Variants in CDH12 observed in about 807,000 individuals in gnomAD.
The protein encoded by CDH12 is cadherin-12.
Under a neutral mutation model 74.1 loss-of-function variants are expected in CDH12, and 41 were observed. That is an observed-to-expected ratio of 0.55 (90% CI 0.43 to 0.72). The LOEUF (loss-of-function observed/expected upper bound fraction) is 0.72. CDH12 is among the 30% of genes least tolerant of loss of function. The pLI, the probability that CDH12 is intolerant of heterozygous loss-of-function variation, is 0.00. For missense variants in CDH12, 945 were observed against 977.2 expected (o/e 0.97, Z 0.44); for synonymous variants, 399 against 355.0 (o/e 1.12, Z -1.39).
intron 1 of CDH12, among the ~76,000 whole-genome samples, chr5:22,618,842 C>G (rs777766653): frequency 7.2e-5 from 11 of 151,916 alleles, no homozygotes; most frequent in African/African-American, 1.7e-4. Flanking sequence ...CCATGCTGCT[C>G]TCATGATAGT....
At chr5:22,142,099 T>G (rs1177998690) in intron 4 of CDH12, among the ~76,000 whole-genome samples, 2 of 152,148 alleles carry the variant, frequency 1.3e-5, no homozygotes, top group African/African-American at 2.4e-5. Context: ...TGAATCTGGG[T>G]TAAGGCACAA....
intron 5 of CDH12, among the ~76,000 whole-genome samples, chr5:21,985,427 T>C (rs1313624677): frequency 6.6e-6 from 1 of 152,168 alleles, no homozygotes; most frequent in Non-Finnish European, 1.5e-5. Flanking sequence ...ATATGTTTCT[T>C]GTACAGGATA....
At chr5:21,882,500 T>C (rs1752404779) in intron 6 of CDH12, 4 of 751,048 alleles carry the variant, frequency 5.3e-6, no homozygotes, top group South Asian at 4.7e-5. Flanking sequence ...TATTTGCTTT[T>C]TAAAAGTGAT....
intron 5 of CDH12, among the ~76,000 whole-genome samples, chr5:22,040,353 A>C: frequency 6.6e-6 from 1 of 152,268 alleles, no homozygotes; most frequent in East Asian, 1.9e-4. Flanking sequence ...TAGGATTTTG[A>C]GAAGTTGAAG....
chr5:21,752,250 A>G lies in CDH12; in HGVS notation c.1886-14T>C. On this transcript the variant is annotated splice_polypyrimidine_tract_variant and intron_variant, in intron 14 of 14. Coordinates refer to ENST00000382254, the MANE Select transcript of CDH12 (RefSeq NM_004061.5). ...GTACAACTATGGCTGGAACAAGACAAAAATTGCAATTTGAGAATAGAAAGC... is the reference window on the plus strand; with the variant it reads ...GTACAACTATGGCTGGAACAAGACAGAAATTGCAATTTGAGAATAGAAAGC... 1.3e-6 allele frequency: 2 copies of G among 1,561,766 alleles called. No individual in the cohort carries two copies. The highest frequency in any genetic ancestry group is 1.7e-6 in the Non-Finnish European group (2 of 1,155,176).
intron 1 of CDH12, among the ~76,000 whole-genome samples, chr5:22,649,103 C>CA (rs1279244236): frequency 6.6e-6 from 1 of 151,832 alleles, no homozygotes; most frequent in Non-Finnish European, 1.5e-5. Context: ...ATGATACTGT[C>CA]AAAAAAGGTA....
chr5:22,760,025 C>A (rs1746125183), intron 1 of CDH12, among the ~76,000 whole-genome samples: 1 of 152,170 alleles, frequency 6.6e-6, no homozygotes, highest in South Asian at 2.1e-4. Flanking sequence ...CAATGTTAAT[C>A]TCATCTGAAA....
chr5:22,149,534 A>G (rs1263330425), intron 4 of CDH12, among the ~76,000 whole-genome samples: 1 of 152,220 alleles, frequency 6.6e-6, no homozygotes, highest in African/African-American at 2.4e-5. Context: ...CAGAATAAGC[A>G]GTGCTTTCCC....
intron 1 of CDH12, among the ~76,000 whole-genome samples, chr5:22,768,166 A>C (rs549600173): frequency 9.9e-5 from 15 of 152,170 alleles, no homozygotes; most frequent in African/African-American, 3.4e-4. Context: ...TGTTTCCCAT[A>C]AACTACAGAA....
intron 1 of CDH12, among the ~76,000 whole-genome samples, chr5:22,710,224 T>A (rs1743221312): frequency 6.6e-6 from 1 of 152,334 alleles, no homozygotes; most frequent in Middle Eastern, 3.4e-3. Flanking sequence ...AACAGGTACC[T>A]CAAGCTACTT....
intron 1 of CDH12, among the ~76,000 whole-genome samples, chr5:22,733,867 G>A (rs1744556058): frequency 6.6e-6 from 1 of 151,824 alleles, no homozygotes; most frequent in Non-Finnish European, 1.5e-5. Flanking sequence ...TGCAGAGAAG[G>A]CGTATTCTAG....
chr5:22,244,649 GAGAA>G (rs1490521767), intron 3 of CDH12, among the ~76,000 whole-genome samples: 1 of 143,776 alleles, frequency 7.0e-6, no homozygotes, highest in Non-Finnish European at 1.5e-5. Context: ...GGAGGGGAGA[GAGAA>G]AGAGAGAGGA....
chr5:21,882,532 C>T (rs1752407476), intron 6 of CDH12: 1 of 984,814 alleles, frequency 1.0e-6, no homozygotes, highest in South Asian at 1.3e-5. Context: ...CTGTCCCTCA[C>T]TCGCCGCCGA....
intron 3 of CDH12, among the ~76,000 whole-genome samples, chr5:22,279,422 A>T (rs147830643): frequency 0.025 from 3,834 of 152,256 alleles, 67 homozygotes; most frequent in African/African-American, 0.052. Flanking sequence ...CATGTGCACA[A>T]CGTGCAGGTT....
At position 22,262,268 on chromosome 5, in the gene CDH12, C is replaced by G. The variant is rs185468260; in HGVS notation, c.-332-49625G>C. Among the ~76,000 whole-genome samples the G allele has an allele frequency of 5.7e-4, 65 of 113,054 alleles. 1 individual carries two copies. In the Middle Eastern group the frequency reaches 0.017, roughly 29 times the overall value. The allele number at this position is 113,054 out of a possible 152,430, so 74.2% of individuals were successfully genotyped here. On this transcript the variant is annotated intron_variant, in intron 3 of 14. Transcript: ENST00000382254. Reference sequence around the variant, plus strand: ...TATCTCCCAATGCTATCCCTCCCCCCTCCCCCCACCCCACAACAGTCCCCA... The same window carrying G: ...TATCTCCCAATGCTATCCCTCCCCCGTCCCCCCACCCCACAACAGTCCCCA...
At chr5:22,248,316 A>ATAC (rs1753028421) in intron 3 of CDH12, among the ~76,000 whole-genome samples, 1 of 148,872 alleles carries the variant, frequency 6.7e-6, no homozygotes, top group Admixed American at 6.6e-5. Flanking sequence ...AATAATAATA[A>ATAC]TAGTAATAAT....
intron 10 of CDH12, among the ~76,000 whole-genome samples, chr5:21,784,747 G>T (rs571709591): frequency 1.3e-5 from 2 of 152,096 alleles, no homozygotes; most frequent in African/African-American, 4.8e-5. Flanking sequence ...TCAGTAAAGC[G>T]ATGTGTATCT....
intron 3 of CDH12, among the ~76,000 whole-genome samples, chr5:22,382,124 T>C (rs1233580848): frequency 1.4e-5 from 2 of 146,240 alleles, no homozygotes; most frequent in Admixed American, 6.9e-5. Flanking sequence ...ATATATCACA[T>C]ATATTATAAA....
intron 1 of CDH12, among the ~76,000 whole-genome samples, chr5:22,575,059 G>A (rs1356381729): frequency 6.6e-6 from 1 of 152,110 alleles, no homozygotes; most frequent in African/African-American, 2.4e-5. Context: ...CATAATGAGT[G>A]AAATATTGGC....
Sources: gnomAD v4.1 joint callset for allele counts (sites outside exome capture counted in the v4.1 genomes callset) on GRCh38, gnomAD v4.1.1 for gene constraint, MANE v1.5 for transcripts, NCBI Gene and HGNC (gene_info 2026-07-23, HGNC 2026-07-21) for gene names.